The following KIF5A variants were observed in gnomAD, a reference collection of about 807,000 sequenced individuals.
KIF5A encodes the protein kinesin heavy chain isoform 5A.
KIF5A carries 35 observed loss-of-function variants against 141.3 expected under a neutral mutation model. That is an observed-to-expected ratio of 0.25 (90% CI 0.19 to 0.33). The LOEUF is 0.33. Among genes scored for constraint, KIF5A ranks in the 10% least tolerant of loss-of-function variants. The pLI, the probability that KIF5A is intolerant of heterozygous loss-of-function variation, is 1.00. For synonymous variants in KIF5A, 448 were observed against 500.2 expected (o/e 0.90, Z 1.39); for missense variants, 861 against 1,314.3 (o/e 0.66, Z 5.33).
intron 1 of KIF5A, among the ~76,000 whole-genome samples, chr12:57,558,445 G>A (rs755701031): frequency 2.0e-5 from 3 of 152,124 alleles, no homozygotes; most frequent in Non-Finnish European, 4.4e-5. Context: ...AGGCCAAGGC[G>A]GGTGGATCAC....
Position 57,564,093 on chromosome 12 carries a change from A to G in KIF5A, c.292-15A>G, listed in dbSNP as rs1232194924. On this transcript the variant is annotated splice_polypyrimidine_tract_variant and intron_variant, in intron 3 of 28. Transcript: ENST00000455537. ...CTGAGCCCCAGCTTCACTCTCAAAT[A>G]CCTTCACTCGCCAGGGAAAGCTGCA... The G allele has an allele frequency of 6.3e-7, 1 of 1,596,132 alleles. No individual in the cohort carries two copies. Among genetic ancestry groups the G allele is most frequent in the Non-Finnish European group, 8.6e-7 (1 of 1,164,040 alleles).
chr12:57,579,519 G>C (rs1436646892), intron 23 of KIF5A, among the ~76,000 whole-genome samples: 1 of 149,820 alleles, frequency 6.7e-6, no homozygotes, highest in Non-Finnish European at 1.5e-5. Flanking sequence ...TTTTCTTAAT[G>C]AATCCTAAAC....
chr12:57,575,507 C>A (rs1882393943), intron 16 of KIF5A, 133 bp from the exon 17 acceptor site: 3 of 919,378 alleles, frequency 3.3e-6, no homozygotes, highest in Non-Finnish European at 5.4e-6. Context: ...TAGGAATGGC[C>A]CCCAACCCTG....
chr12:57,583,360 C>T, intron 28 of KIF5A, 145 bp downstream of exon 28: 1 of 639,140 alleles, frequency 1.6e-6, no homozygotes, highest in Non-Finnish European at 2.8e-6. Context: ...CCTGCTTTCC[C>T]CTGTTGGGGG....
chr12:57,571,568 T>C (rs1882256106), intron 13 of KIF5A, among the ~76,000 whole-genome samples, 179 bp downstream of exon 13: 1 of 151,812 alleles, frequency 6.6e-6, no homozygotes. Flanking sequence ...TTTCCTTTTT[T>C]CTTTTCTTTT....
Position 57,569,856 on chromosome 12 carries a change from C to T in KIF5A, c.1118-131C>T. 2.2e-6 allele frequency: 3 copies of T among 1,370,684 alleles called. No homozygotes were observed. In the East Asian group the frequency reaches 7.3e-5, roughly 33 times the overall value. 84.9% of individuals were successfully genotyped at this position (1,370,684 alleles called of 1,614,324 possible). On this transcript the variant is annotated intron_variant, in intron 11 of 28. Coordinates refer to ENST00000455537, the MANE Select transcript of KIF5A (RefSeq NM_004984.4). ...GGGAAGGGAGGGGCCTGACTACCTA[C>T]CTCCCATACTCCCAAAAGGTAGAGG...
chr12:57,567,659 C>G, intron 8 of KIF5A, 41 bp downstream of exon 8: 1 of 1,509,644 alleles, frequency 6.6e-7, no homozygotes, highest in Non-Finnish European at 8.8e-7. Flanking sequence ...GAAGCCTTGG[C>G]TCTTTTTTTT....
rs775627499 is a variant in KIF5A at position 57,572,129 on chromosome 12, C to T, written c.1431C>T (p.Asn477=). 62 of 1,614,120 alleles carry T rather than the reference C, an allele frequency of 3.8e-5. No individual in the cohort carries two copies. The highest frequency in any genetic ancestry group is 8.8e-5 in the South Asian group (8 of 91,058). Residue 477 remains asparagine, a synonymous_variant, in exon 14 of 29, where the codon AAC becomes AAT. Transcript: ENST00000455537. The surrounding 1 kb of genome is among the most constrained non-coding windows in gnomAD (Gnocchi z 4.2). ...QRELSHLQSE[N]DAAKDEVKEV... is the part of the protein sequence containing the mutation. ...AGCTGAGCCACCTGCAATCAGAGAA[C>T]GATGCCGCTAAGGATGAGGTGAAGG...
chr12:57,577,791 G>A lies in KIF5A; in HGVS notation c.2361+18G>A, dbSNP rs1167936385. 6.2e-7 allele frequency: 1 copy of A among 1,607,224 alleles called. No individual in the cohort carries two copies. Among genetic ancestry groups the A allele is most frequent in the Admixed American group, 1.7e-5 (1 of 59,974 alleles). ...AGACAGTTGTGAGTGGTTCCCTTCT[G>A]TGCCAAATTCACAGGACTGGGGAGT... On this transcript the variant is annotated intron_variant, in intron 21 of 28. Coordinates refer to ENST00000455537, the MANE Select transcript of KIF5A (RefSeq NM_004984.4).
At chr12:57,552,995 C>T (rs760471942) in intron 1 of KIF5A, among the ~76,000 whole-genome samples, 2 of 152,042 alleles carry the variant, frequency 1.3e-5, no homozygotes, top group Non-Finnish European at 2.9e-5. Flanking sequence ...CTGACTTCTT[C>T]CAGGAACCTG....
At chr12:57,556,844 A>G (rs1012047294) in intron 1 of KIF5A, among the ~76,000 whole-genome samples, 1 of 152,084 alleles carries the variant, frequency 6.6e-6, no homozygotes. Flanking sequence ...TGCCTGTTTT[A>G]TATTCTGGCT....
At chr12:57,562,123 A>C (rs934574806) in intron 1 of KIF5A, among the ~76,000 whole-genome samples, 2 of 152,208 alleles carry the variant, frequency 1.3e-5, no homozygotes, top group East Asian at 3.8e-4. Context: ...CTAAGTTGTA[A>C]GTATTTTGTG....
intron 1 of KIF5A, among the ~76,000 whole-genome samples, chr12:57,557,143 C>T (rs1369336077): frequency 6.6e-6 from 1 of 151,956 alleles, no homozygotes; most frequent in Non-Finnish European, 1.5e-5. Context: ...ATCCTTCGTA[C>T]AACCGGAAAT....
chr12:57,581,233 A>G, intron 24 of KIF5A, 61 bp downstream of exon 24: 1 of 1,543,960 alleles, frequency 6.5e-7, no homozygotes, highest in Non-Finnish European at 8.9e-7. Context: ...GCAAATTGCT[A>G]ATTGCCAAGC....
At position 57,571,322 on chromosome 12, in the gene KIF5A, A is replaced by G; in HGVS notation, c.1295A>G (p.Asp432Gly). The change falls in exon 13 of 29, where the codon GAT (aspartate) becomes GGT (glycine). Residue 432 changes from aspartate (D) to glycine (G), a missense_variant and splice_region_variant. Transcript: ENST00000455537. ...RRLYKQLDDKDDEINQQSQLI... is the reference protein window; with the variant it reads ...RRLYKQLDDKGDEINQQSQLI... ...GTCTTTCCCTGTTGCCTCCAACAGG[A>G]TGATGAAATCAACCAACAAAGCCAA... is the stretch of plus-strand genomic sequence containing the variant. 1.3e-6 allele frequency: 2 copies of G among 1,581,232 alleles called. No homozygotes were observed. Among genetic ancestry groups the G allele is most frequent in the Non-Finnish European group, 1.7e-6 (2 of 1,150,120 alleles).
chr12:57,581,304 A>T (rs1432863734), intron 24 of KIF5A, 111 bp from the exon 25 acceptor site: 1 of 1,549,226 alleles, frequency 6.5e-7, no homozygotes, highest in African/African-American at 1.4e-5. Context: ...AAAAAGTAAA[A>T]AAGTGATTAT....
chr12:57,555,777 T>C (rs191066485), intron 1 of KIF5A, among the ~76,000 whole-genome samples: 95 of 148,718 alleles, frequency 6.4e-4, no homozygotes, highest in African/African-American at 2.2e-3. Context: ...GGCGTGGTGG[T>C]GGGCGCCTGT....
At position 57,578,035 on chromosome 12, in the gene KIF5A, C is replaced by G; in HGVS notation, c.2388C>G (p.Asn796Lys). Reference protein sequence around the residue: ...TVARELQTLHNLRKLFVQDVT... With the variant: ...TVARELQTLHKLRKLFVQDVT... ...CCCGGGAACTCCAGACCCTCCACAA[C>G]CTTCGCAAGCTGTTCGTTCAAGACG... The change falls in exon 22 of 29, where the codon AAC becomes AAG. Residue 796 changes from asparagine to lysine, a missense_variant. Physicochemically the swap from Asn to Lys is moderately conservative, Grantham distance 94 (BLOSUM62 0). Around this residue, in one of 5 missense-constraint regions of KIF5A, gnomAD observed 482 missense variants for 661.3 expected, o/e 0.73. Coordinates refer to ENST00000455537, the MANE Select transcript of KIF5A (RefSeq NM_004984.4). 2 of 1,614,218 alleles carry G rather than the reference C, an allele frequency of 1.2e-6. No homozygotes were observed. The highest frequency in any genetic ancestry group is 1.1e-5 in the South Asian group (1 of 91,088).
At chr12:57,577,386 G>A (rs1003690848) in intron 20 of KIF5A, among the ~76,000 whole-genome samples, 5 of 152,192 alleles carry the variant, frequency 3.3e-5, no homozygotes, top group African/African-American at 1.2e-4. Flanking sequence ...CTTGAGCTCA[G>A]TAGTTCGAGA....
Sources: allele counts gnomAD v4.1 joint callset (sites outside exome capture counted in the v4.1 genomes callset), GRCh38; gene constraint gnomAD v4.1.1; regional missense constraint gnomAD v4.1.1; non-coding constraint Gnocchi (gnomAD v3.1); transcripts MANE v1.5; gene names NCBI Gene and HGNC (gene_info 2026-07-23, HGNC 2026-07-21).